Variants in GUCY1A2 observed in about 807,000 individuals in gnomAD.
GUCY1A2 encodes the protein guanylate cyclase 1 soluble subunit alpha 2.
In GUCY1A2, 27 loss-of-function variants were observed where a neutral mutation model predicts 63.5. The ratio of observed to expected loss-of-function variants is 0.43; its 90% CI spans 0.31 to 0.59. GUCY1A2 has a LOEUF of 0.59. Among genes scored for constraint, GUCY1A2 ranks in the 20% least tolerant of loss-of-function variants. The pLI is 0.11. For missense variants in GUCY1A2, 768 were observed against 913.3 expected, an observed-to-expected ratio of 0.84 and a Z score of 2.05; for synonymous variants, 364 against 343.5, an observed-to-expected ratio of 1.06 and a Z score of -0.66.
chr11:106,947,077 C>T lies in GUCY1A2; in HGVS notation c.488-6899G>A, dbSNP rs183860805. On this transcript the variant is annotated intron_variant, in intron 3 of 7. Transcript: ENST00000526355. ...CTAAAAAATACAAAAATTAGCTGGG[C>T]GCAGTGGCAGGTTCCTGTAATCCCA... Among the ~76,000 whole-genome samples, 1,093 of 151,814 alleles carry T rather than the reference C, an allele frequency of 7.2e-3. 4 individuals carry two copies. The highest frequency in any genetic ancestry group is 0.011 in the Non-Finnish European group (755 of 67,912).
intron 4 of GUCY1A2, among the ~76,000 whole-genome samples, chr11:106,909,169 T>C (rs982185325): frequency 1.3e-5 from 2 of 151,926 alleles, no homozygotes; most frequent in Non-Finnish European, 2.9e-5. Flanking sequence ...TACATTTTAA[T>C]CAAACTTTTT....
chr11:106,823,893 T>C (rs138682050), intron 4 of GUCY1A2: 4,946 of 346,560 alleles, frequency 0.014, 73 homozygotes, highest in South Asian at 0.043. Context: ...TTCATGTCCT[T>C]TGCCCACTTT....
At chr11:106,990,573 GTC>G (rs536249510) in intron 1 of GUCY1A2, among the ~76,000 whole-genome samples, 1 of 151,870 alleles carries the variant, frequency 6.6e-6, no homozygotes, top group Non-Finnish European at 1.5e-5. Context: ...GTAAAGATGT[GTC>G]TCTCTCTCTC....
At chr11:106,928,292 T>C (rs1217249848) in intron 4 of GUCY1A2, among the ~76,000 whole-genome samples, 2 of 152,178 alleles carry the variant, frequency 1.3e-5, no homozygotes, top group South Asian at 2.1e-4. Context: ...GCTTGAAATC[T>C]CAATCCTTTG....
At chr11:106,914,540 G>A (rs1042363175) in intron 4 of GUCY1A2, among the ~76,000 whole-genome samples, 1 of 150,542 alleles carries the variant, frequency 6.6e-6, no homozygotes, top group Non-Finnish European at 1.5e-5. Flanking sequence ...CGTCCAGTAA[G>A]TACAAATACA....
intron 4 of GUCY1A2, among the ~76,000 whole-genome samples, chr11:106,822,136 T>C (rs1858911515): frequency 6.6e-6 from 1 of 152,200 alleles, no homozygotes; most frequent in South Asian, 2.1e-4. Context: ...AAAGGAATAA[T>C]AGAACAGTTG....
At chr11:106,842,795 AC>A (rs1859218418) in intron 4 of GUCY1A2, among the ~76,000 whole-genome samples, 1 of 151,952 alleles carries the variant, frequency 6.6e-6, no homozygotes, top group Non-Finnish European at 1.5e-5. Context: ...AGTAGGTCCC[AC>A]TGGAGCTTGT....
intron 4 of GUCY1A2, among the ~76,000 whole-genome samples, chr11:106,887,066 C>A (rs1859910552): frequency 1.3e-5 from 2 of 152,090 alleles, no homozygotes; most frequent in Admixed American, 1.3e-4. Flanking sequence ...CAACTCAAAT[C>A]TTATCTCCTC....
At chr11:106,890,990 T>C (rs1859965636) in intron 4 of GUCY1A2, among the ~76,000 whole-genome samples, 1 of 152,172 alleles carries the variant, frequency 6.6e-6, no homozygotes, top group Non-Finnish European at 1.5e-5. Context: ...TTCAGTATAT[T>C]CCCATTAATG....
At chr11:106,721,267 C>T (rs1863311908) in intron 6 of GUCY1A2, among the ~76,000 whole-genome samples, 1 of 152,056 alleles carries the variant, frequency 6.6e-6, no homozygotes, top group Non-Finnish European at 1.5e-5. Flanking sequence ...CCATGTTTCC[C>T]AGGCTACTCT....
intron 6 of GUCY1A2, among the ~76,000 whole-genome samples, chr11:106,721,779 G>T (rs1054829505): frequency 2.0e-5 from 3 of 152,192 alleles, no homozygotes; most frequent in Non-Finnish European, 4.4e-5. Context: ...GAACAAAACT[G>T]TAATTAAGAA....
chr11:106,705,551 A>G (rs1276353058), intron 7 of GUCY1A2, among the ~76,000 whole-genome samples: 1 of 152,182 alleles, frequency 6.6e-6, no homozygotes, highest in Non-Finnish European at 1.5e-5. Context: ...ACATATGTAG[A>G]AAGTTAATAT....
intron 4 of GUCY1A2, among the ~76,000 whole-genome samples, chr11:106,847,779 G>A (rs375055731): frequency 6.6e-6 from 1 of 151,690 alleles, no homozygotes; most frequent in Admixed American, 6.6e-5. Context: ...CATGGGATAA[G>A]AGGCTAAAGA....
chr11:106,943,033 T>C (rs1242489059), intron 3 of GUCY1A2, among the ~76,000 whole-genome samples: 2 of 152,180 alleles, frequency 1.3e-5, no homozygotes, highest in African/African-American at 2.4e-5. Context: ...CTAATAAAGA[T>C]TTTTATTCCC....
chr11:106,937,870 A>C (rs1375270476), intron 4 of GUCY1A2, among the ~76,000 whole-genome samples: 2 of 152,188 alleles, frequency 1.3e-5, no homozygotes, highest in African/African-American at 4.8e-5. Flanking sequence ...GTATGATAAA[A>C]ACATTATTAA....
At chr11:106,701,153 A>G (rs1016433428) in intron 7 of GUCY1A2, among the ~76,000 whole-genome samples, 2 of 152,154 alleles carry the variant, frequency 1.3e-5, no homozygotes, top group Non-Finnish European at 2.9e-5. Flanking sequence ...AAGCAAGCCT[A>G]TATTCCCAGT....
chr11:106,918,667 T>A lies in GUCY1A2; in HGVS notation c.1206+20793A>T, dbSNP rs531185868. Among the ~76,000 whole-genome samples, 70 of 145,678 alleles carry A rather than the reference T, an allele frequency of 4.8e-4. 13 individuals are homozygous for A. The highest frequency in any genetic ancestry group is 3.5e-3 in the Middle Eastern group (1 of 286). On this transcript the variant is annotated intron_variant, in intron 4 of 7. Transcript: ENST00000526355. ...ATTTATTGGTGACAAGACCTGTGAA[T>A]CTATTAGATCACTTACCCAGGCAAA...
At chr11:106,808,977 G>A (rs1174897317) in intron 5 of GUCY1A2, among the ~76,000 whole-genome samples, 1 of 152,054 alleles carries the variant, frequency 6.6e-6, no homozygotes, top group African/African-American at 2.4e-5. Context: ...TTACCACTCA[G>A]AAGAGATTCA....
Position 106,939,858 on chromosome 11 carries a change from G to GTTCCAC in GUCY1A2, c.802_807dup (p.Val268_Glu269dup). ...GAGCATAGCTTCTCATTTGCAACCTGTTCCACTTCCACATCCAGCCGATAG... is the reference window on the plus strand; with the variant it reads ...GAGCATAGCTTCTCATTTGCAACCTGTTCCACTTCCACTTCCACATCCAGCCGATAG... On this transcript the variant is annotated inframe_insertion, in exon 4 of 8. Transcript: ENST00000526355. 1 of 1,614,046 alleles carries GTTCCAC rather than the reference G, an allele frequency of 6.2e-7. No homozygotes were observed. Among genetic ancestry groups the GTTCCAC allele is most frequent in the Non-Finnish European group, 8.5e-7 (1 of 1,179,954 alleles).
Sources: allele counts gnomAD v4.1 joint callset (sites outside exome capture counted in the v4.1 genomes callset), GRCh38; gene constraint gnomAD v4.1.1; transcripts MANE v1.5; gene names NCBI Gene and HGNC (gene_info 2026-07-23, HGNC 2026-07-21).